CFAP54: variants seen among roughly 807,000 people sequenced by gnomAD.
The protein encoded by CFAP54 is cilia and flagella associated protein 54.
CFAP54 carries 290 observed loss-of-function variants against 370.4 expected under a neutral mutation model. The observed-to-expected ratio is 0.78, with a 90% CI of 0.71 to 0.86. The LOEUF (loss-of-function observed/expected upper bound fraction) is 0.86. Among genes scored for constraint, CFAP54 ranks in the 40% least tolerant of loss-of-function variants. The probability of loss-of-function intolerance (pLI) is 0.00; values close to 1 mark genes in which losing one functional copy is unlikely to be tolerated. For missense variants in CFAP54, 3,399 were observed against 3,528.7 expected (o/e 0.96, Z 0.93); for synonymous variants, 1,206 against 1,236.5 (o/e 0.98, Z 0.52).
At chr12:96,708,911 T>C (rs1300387503) in intron 48 of CFAP54, 108 bp downstream of exon 48, 2 of 881,798 alleles carry the variant, frequency 2.3e-6, no homozygotes, top group Non-Finnish European at 3.3e-6. Context: ...CTTCCACAGT[T>C]TTCTCTATGC....
chr12:96,767,789 C>T (rs1958415276), intron 60 of CFAP54, among the ~76,000 whole-genome samples: 1 of 152,034 alleles, frequency 6.6e-6, no homozygotes. Context: ...CTTGCATTAG[C>T]ATAAATTAGC....
intron 26 of CFAP54, among the ~76,000 whole-genome samples, chr12:96,609,007 G>T (rs1027274561): frequency 6.6e-6 from 1 of 152,180 alleles, no homozygotes; most frequent in African/African-American, 2.4e-5. Flanking sequence ...AGGTTCAAAT[G>T]TATACTATTT....
At chr12:96,665,898 A>G (rs1009096311) in intron 39 of CFAP54, among the ~76,000 whole-genome samples, 2 of 152,198 alleles carry the variant, frequency 1.3e-5, no homozygotes, top group Non-Finnish European at 2.9e-5. Context: ...GAATCTCTAA[A>G]TTGCTTTGGG....
intron 19 of CFAP54, among the ~76,000 whole-genome samples, chr12:96,573,382 A>G (rs1003204407): frequency 6.6e-6 from 1 of 152,082 alleles, no homozygotes; most frequent in African/African-American, 2.4e-5. Context: ...GGGGAAATCC[A>G]CTTATCTTTT....
chr12:96,550,629 G>T (rs982317706), intron 15 of CFAP54, among the ~76,000 whole-genome samples: 2 of 152,128 alleles, frequency 1.3e-5, no homozygotes, highest in African/African-American at 4.8e-5. Context: ...TCTGTTTCTA[G>T]CAAAATGGCA....
chr12:96,566,105 T>C (rs1036563088), intron 19 of CFAP54, among the ~76,000 whole-genome samples: 4 of 152,228 alleles, frequency 2.6e-5, no homozygotes, highest in Non-Finnish European at 2.9e-5. Context: ...TACCCAGCCA[T>C]GCAAAACTGT....
chr12:96,561,598 G>A (rs1442590780), intron 17 of CFAP54, among the ~76,000 whole-genome samples: 1 of 151,218 alleles, frequency 6.6e-6, no homozygotes, highest in Non-Finnish European at 1.5e-5. Flanking sequence ...ATGATATTTG[G>A]TACCTTTTGC....
chr12:96,647,361 T>C (rs1254831621), intron 33 of CFAP54, among the ~76,000 whole-genome samples: 2 of 149,472 alleles, frequency 1.3e-5, no homozygotes, highest in African/African-American at 4.9e-5. Flanking sequence ...TAGTCCCAGC[T>C]ACTCTGGAGT....
At chr12:96,735,119 A>G (rs1957963739) in intron 50 of CFAP54, among the ~76,000 whole-genome samples, 1 of 152,348 alleles carries the variant, frequency 6.6e-6, no homozygotes, top group East Asian at 1.9e-4. Flanking sequence ...TTGGGGTAAT[A>G]TTCCCTGATA....
chr12:96,617,234 A>C (rs904345218), intron 26 of CFAP54, among the ~76,000 whole-genome samples: 1 of 152,244 alleles, frequency 6.6e-6, no homozygotes, highest in Non-Finnish European at 1.5e-5. Flanking sequence ...TATCCAAAGA[A>C]GTGGCCTTTA....
chr12:96,679,879 TTCCTCTTG>T, intron 40 of CFAP54, 127 bp downstream of exon 40: 2 of 912,566 alleles, frequency 2.2e-6, no homozygotes, highest in Non-Finnish European at 3.3e-6. Context: ...GCCTTTCACT[TTCCTCTTG>T]TCCAGTGGAT....
At chr12:96,579,009 A>G (rs1188985668) in intron 20 of CFAP54, among the ~76,000 whole-genome samples, 2 of 152,192 alleles carry the variant, frequency 1.3e-5, no homozygotes, top group Non-Finnish European at 2.9e-5. Flanking sequence ...GCTTGTAAAA[A>G]TGCTTTTAGA....
intron 63 of CFAP54, among the ~76,000 whole-genome samples, chr12:96,810,629 T>C (rs532764591): frequency 1.3e-5 from 2 of 152,256 alleles, no homozygotes; most frequent in South Asian, 4.2e-4. Flanking sequence ...GGGTAGACCA[T>C]AGTTTTTGAA....
At chr12:96,496,819 A>G (rs1954959901) in intron 1 of CFAP54, among the ~76,000 whole-genome samples, 1 of 152,174 alleles carries the variant, frequency 6.6e-6, no homozygotes, top group African/African-American at 2.4e-5. Flanking sequence ...GAGGGAGAGG[A>G]AAGAAATAAA....
intron 40 of CFAP54, among the ~76,000 whole-genome samples, chr12:96,681,593 T>G (rs1957272416): frequency 6.6e-6 from 1 of 150,760 alleles, no homozygotes. Context: ...TTGGATGGAG[T>G]CTTGCTGTCT....
At chr12:96,694,827 G>A (rs1957425979) in intron 45 of CFAP54, among the ~76,000 whole-genome samples, 1 of 151,912 alleles carries the variant, frequency 6.6e-6, no homozygotes, top group Non-Finnish European at 1.5e-5. Context: ...TTCGAGACCA[G>A]CCTGGCCAAC....
chr12:96,586,155 T>G (rs1374003819), intron 22 of CFAP54, among the ~76,000 whole-genome samples: 1 of 152,176 alleles, frequency 6.6e-6, no homozygotes, highest in Non-Finnish European at 1.5e-5. Context: ...TAGGAATGAC[T>G]TGGAGTACTG....
chr12:96,519,102 G>GTTT (rs377034711), intron 6 of CFAP54, 31 bp downstream of exon 6: 782 of 1,334,920 alleles, frequency 5.9e-4, no homozygotes, highest in South Asian at 1.7e-3. Flanking sequence ...GAGGAGTCGA[G>GTTT]TTTTTTTTTT....
chr12:96,595,632 T>C (rs1284168915), intron 25 of CFAP54, among the ~76,000 whole-genome samples: 1 of 152,114 alleles, frequency 6.6e-6, no homozygotes, highest in South Asian at 2.1e-4. Flanking sequence ...CTACGGAGCA[T>C]AGGTGTGTCT....
Sources: gnomAD v4.1 joint callset for allele counts (sites outside exome capture counted in the v4.1 genomes callset) on GRCh38, gnomAD v4.1.1 for gene constraint, MANE v1.5 for transcripts, NCBI Gene and HGNC (gene_info 2026-07-23, HGNC 2026-07-21) for gene names.